Variants in LIFR observed in about 807,000 individuals in gnomAD.
LIFR encodes the protein leukemia inhibitory factor receptor.
A neutral mutation model predicts 122.2 loss-of-function variants in LIFR; 84 were observed. That is an observed-to-expected ratio of 0.69 (90% CI 0.58 to 0.82). The LOEUF is 0.82. LIFR is among the 40% of genes least tolerant of loss of function. The probability of loss-of-function intolerance (pLI) is 0.00; values close to 1 mark genes in which losing one functional copy is unlikely to be tolerated. For missense variants in LIFR, 1,294 were observed against 1,311.6 expected (o/e 0.99, Z 0.21); for synonymous variants, 422 against 434.7 (o/e 0.97, Z 0.36).
intron 9 of LIFR, 70 bp downstream of exon 9, chr5:38,505,835 A>G: frequency 1.0e-6 from 1 of 986,638 alleles, no homozygotes; most frequent in South Asian, 1.7e-5. Context: ...AATCCCTATA[A>G]GCATTTTTCA....
chr5:38,503,862 A>G (rs764719088), intron 10 of LIFR, 114 bp downstream of exon 10: 104 of 778,470 alleles, frequency 1.3e-4, no homozygotes, highest in Non-Finnish European at 1.3e-4. Flanking sequence ...CTTGGTTCTT[A>G]GTAAATCTCT....
intron 1 of LIFR, among the ~76,000 whole-genome samples, chr5:38,537,687 T>C (rs961378706): frequency 2.0e-5 from 3 of 152,244 alleles, no homozygotes; most frequent in Non-Finnish European, 4.4e-5. Context: ...ATTATTCTGT[T>C]GGGCCATAAA....
chr5:38,482,426 T>C (rs532325810), intron 19 of LIFR, among the ~76,000 whole-genome samples, 163 bp downstream of exon 19: 2 of 151,802 alleles, frequency 1.3e-5, no homozygotes, highest in East Asian at 3.9e-4. Flanking sequence ...AAGAGCACTG[T>C]ATAATTTAAA....
intron 1 of LIFR, among the ~76,000 whole-genome samples, chr5:38,555,526 T>G (rs577727918): frequency 2.0e-5 from 3 of 152,202 alleles, no homozygotes; most frequent in Non-Finnish European, 4.4e-5. Context: ...AACTGAAACT[T>G]TTCTGTTGAA....
At chr5:38,576,381 G>A (rs1749386308) in intron 1 of LIFR, among the ~76,000 whole-genome samples, 1 of 152,154 alleles carries the variant, frequency 6.6e-6, no homozygotes, top group South Asian at 2.1e-4. Context: ...ATTTCTTACA[G>A]GTAAGAGCCA....
At chr5:38,527,519 A>T (rs549283508) in intron 3 of LIFR, among the ~76,000 whole-genome samples, 1 of 152,220 alleles carries the variant, frequency 6.6e-6, no homozygotes, top group African/African-American at 2.4e-5. Flanking sequence ...GAATAAGCAT[A>T]GATGACTCCA....
chr5:38,496,245 T>C lies in LIFR; in HGVS notation c.1885+137A>G, dbSNP rs1744868544. 5.5e-6 allele frequency: 4 copies of C among 732,906 alleles called. No homozygotes were observed. In the East Asian group the frequency reaches 1.0e-4, roughly 19 times the overall value. The allele number at this position is 732,906 out of a possible 1,614,324, so 45.4% of individuals were successfully genotyped here. A position where few individuals can be genotyped will look rare whatever the true frequency, so the allele number is the denominator to read the frequency against. On this transcript the variant is annotated intron_variant, in intron 13 of 19. Transcript: ENST00000453190. ...TTTCTCAATGAACTGTAGACATCAA[T>C]CTGCTCATTCTGCCTTCTAGGTCAG...
At chr5:38,521,648 G>A (rs1746404722) in intron 5 of LIFR, among the ~76,000 whole-genome samples, 2 of 152,302 alleles carry the variant, frequency 1.3e-5, no homozygotes, top group Non-Finnish European at 2.9e-5. Context: ...GGCTGGGTAC[G>A]TTCTCAGGCC....
At position 38,537,837 on chromosome 5, in the gene LIFR, GA is replaced by G. The variant is rs369445953; in HGVS notation, c.-19-7172del. Among the ~76,000 whole-genome samples, 469 of 151,810 alleles carry G rather than the reference GA, an allele frequency of 3.1e-3. 2 individuals carry two copies. Among genetic ancestry groups the G allele is most frequent in the African/African-American group, 0.011 (440 of 41,400 alleles). ...TAATCATTTCCTTAATGATTGCTAA[GA>G]AAAAAAATCTTAATATGCATATTAA... On this transcript the variant is annotated intron_variant, in intron 1 of 19. Transcript: ENST00000453190.
intron 1 of LIFR, among the ~76,000 whole-genome samples, chr5:38,554,061 T>C (rs1748386240): frequency 6.6e-6 from 1 of 152,172 alleles, no homozygotes; most frequent in South Asian, 2.1e-4. Flanking sequence ...TTATGAAACA[T>C]AAACTACCCT....
At chr5:38,520,106 C>T (rs532405978) in intron 5 of LIFR, among the ~76,000 whole-genome samples, 1 of 152,140 alleles carries the variant, frequency 6.6e-6, no homozygotes, top group Non-Finnish European at 1.5e-5. Context: ...AAGAGCTTCC[C>T]ATGCTCCACA....
upstream of LIFR, among the ~76,000 whole-genome samples, chr5:38,597,889 G>A (rs1750137889): frequency 1.3e-5 from 2 of 152,114 alleles, no homozygotes; most frequent in Admixed American, 1.3e-4. Flanking sequence ...GAGCAAGAAA[G>A]TTATTTATTT....
intron 5 of LIFR, among the ~76,000 whole-genome samples, chr5:38,514,641 T>C (rs1296795921): frequency 6.6e-6 from 1 of 152,216 alleles, no homozygotes; most frequent in Non-Finnish European, 1.5e-5. Flanking sequence ...AGAGAATATC[T>C]ACAATAGCAA....
chr5:38,524,599 C>G (rs1384948872), intron 4 of LIFR, among the ~76,000 whole-genome samples: 2 of 152,118 alleles, frequency 1.3e-5, no homozygotes, highest in Non-Finnish European at 2.9e-5. Context: ...CAGAAAGCAG[C>G]AAGAGGAGCA....
At chr5:38,512,433 A>G (rs917367834) in intron 5 of LIFR, among the ~76,000 whole-genome samples, 1 of 152,090 alleles carries the variant, frequency 6.6e-6, no homozygotes, top group Non-Finnish European at 1.5e-5. Flanking sequence ...AGCCTGGACA[A>G]TACGGCGAAA....
chr5:38,506,905 T>G (rs969255794), intron 7 of LIFR, among the ~76,000 whole-genome samples: 10 of 152,136 alleles, frequency 6.6e-5, no homozygotes, highest in Admixed American at 1.3e-4. Context: ...AGTTGTCACT[T>G]TTTTTCCCTT....
chr5:38,561,288 T>C (rs1161367809), upstream of LIFR, among the ~76,000 whole-genome samples: 2 of 152,200 alleles, frequency 1.3e-5, no homozygotes, highest in African/African-American at 4.8e-5. Flanking sequence ...AACTTGAACA[T>C]TGCTATTGTT....
At chr5:38,532,989 TAACA>T (rs1201579926) in intron 1 of LIFR, among the ~76,000 whole-genome samples, 2 of 152,212 alleles carry the variant, frequency 1.3e-5, no homozygotes, top group African/African-American at 4.8e-5. Context: ...GCAAAGCAAG[TAACA>T]AACGTGTTCA....
chr5:38,516,998 G>A (rs1444534024), intron 5 of LIFR, among the ~76,000 whole-genome samples: 1 of 152,036 alleles, frequency 6.6e-6, no homozygotes, highest in Non-Finnish European at 1.5e-5. Flanking sequence ...ATAAGTGGGA[G>A]TTGAACAATG....
Sources: allele counts gnomAD v4.1 joint callset (sites outside exome capture counted in the v4.1 genomes callset), GRCh38; gene constraint gnomAD v4.1.1; transcripts MANE v1.5; gene names NCBI Gene and HGNC (gene_info 2026-07-23, HGNC 2026-07-21).